Variants in SLC8A1 observed in about 807,000 individuals in gnomAD.
SLC8A1 encodes solute carrier family 8 member A1.
SLC8A1 carries 18 observed loss-of-function variants against 68.3 expected under a neutral mutation model. The ratio of observed to expected loss-of-function variants is 0.26; its 90% CI spans 0.18 to 0.39. The LOEUF (loss-of-function observed/expected upper bound fraction) is 0.39, where lower values mean the gene tolerates loss of function less well. SLC8A1 is among the 10% of genes least tolerant of loss of function. SLC8A1 has a pLI of 1.00. For missense variants in SLC8A1, 985 were observed against 1,156.7 expected, an observed-to-expected ratio of 0.85 and a Z score of 2.15; for synonymous variants, 475 against 415.5, an observed-to-expected ratio of 1.14 and a Z score of -1.74.
chr2:40,484,760 A>G (rs1359810017), intron 1 of SLC8A1, among the ~76,000 whole-genome samples: 1 of 152,222 alleles, frequency 6.6e-6, no homozygotes, highest in African/African-American at 2.4e-5. Flanking sequence ...CAAGGATGCG[A>G]TAAGTGCTTC....
chr2:40,366,060 T>C (rs978691401), intron 2 of SLC8A1, among the ~76,000 whole-genome samples: 1 of 151,956 alleles, frequency 6.6e-6, no homozygotes, highest in East Asian at 1.9e-4. Context: ...TAGGACTTCA[T>C]TCTTCTTCTG....
intron 2 of SLC8A1, among the ~76,000 whole-genome samples, chr2:40,294,659 T>C (rs1285464746): frequency 6.6e-6 from 1 of 152,162 alleles, no homozygotes; most frequent in Admixed American, 6.5e-5. Context: ...TGAAGAGAAC[T>C]TTCCCCTTTT....
chr2:40,262,502 G>C (rs1172350366), intron 2 of SLC8A1, among the ~76,000 whole-genome samples: 2 of 152,136 alleles, frequency 1.3e-5, no homozygotes, highest in Non-Finnish European at 2.9e-5. Flanking sequence ...AACAACAAAT[G>C]AGCGAAATTC....
chr2:40,321,555 G>C (rs2075191147), intron 2 of SLC8A1, among the ~76,000 whole-genome samples: 1 of 152,094 alleles, frequency 6.6e-6, no homozygotes, highest in Admixed American at 6.6e-5. Flanking sequence ...TTGACTCACA[G>C]TTCTGCAGGG....
intron 2 of SLC8A1, among the ~76,000 whole-genome samples, chr2:40,300,548 T>A (rs1459711387): frequency 6.6e-6 from 1 of 152,178 alleles, no homozygotes; most frequent in African/African-American, 2.4e-5. Context: ...AAGACATGCA[T>A]GGTAAACTAG....
intron 2 of SLC8A1, among the ~76,000 whole-genome samples, chr2:40,200,573 T>C (rs1169983778): frequency 1.3e-5 from 2 of 151,490 alleles, no homozygotes; most frequent in Non-Finnish European, 2.9e-5. Flanking sequence ...CCCCTTATCA[T>C]TGCTGCATTC....
intron 2 of SLC8A1, among the ~76,000 whole-genome samples, chr2:40,272,161 C>T (rs1037084958): frequency 3.3e-5 from 5 of 152,172 alleles, no homozygotes; most frequent in Non-Finnish European, 7.3e-5. Flanking sequence ...AGCCACTGCA[C>T]CTGGCCAAAA....
intron 2 of SLC8A1, among the ~76,000 whole-genome samples, chr2:40,372,530 G>A (rs1284083431): frequency 2.6e-5 from 4 of 152,084 alleles, no homozygotes; most frequent in African/African-American, 9.7e-5. Flanking sequence ...CATATTCTGT[G>A]GGCTTGACCG....
intron 2 of SLC8A1, chr2:40,178,390 T>C (rs957058019): frequency 5.6e-6 from 9 of 1,613,558 alleles, no homozygotes; most frequent in Non-Finnish European, 7.6e-6. Context: ...CCCCCACCTT[T>C]CTTCTCACTC....
intron 2 of SLC8A1, among the ~76,000 whole-genome samples, chr2:40,395,441 C>G (rs1686614415): frequency 6.6e-6 from 1 of 152,080 alleles, no homozygotes; most frequent in Admixed American, 6.6e-5. Context: ...CACTGGCACT[C>G]TTAGTCAGGA....
At chr2:40,498,447 A>G (rs923465230) in intron 1 of SLC8A1, among the ~76,000 whole-genome samples, 1 of 152,120 alleles carries the variant, frequency 6.6e-6, no homozygotes, top group African/African-American at 2.4e-5. Flanking sequence ...TTGCAAGTAT[A>G]ATTTCAATGT....
intron 2 of SLC8A1, among the ~76,000 whole-genome samples, chr2:40,181,804 G>GTAAT (rs1421141555): frequency 6.6e-6 from 1 of 152,218 alleles, no homozygotes; most frequent in Non-Finnish European, 1.5e-5. Context: ...ATAAACCAAT[G>GTAAT]TAATTTTTAA....
chr2:40,286,707 A>G (rs769277144), intron 2 of SLC8A1, among the ~76,000 whole-genome samples: 1 of 152,178 alleles, frequency 6.6e-6, no homozygotes. Flanking sequence ...ATATTCACAC[A>G]CACTCTTCAC....
At chr2:40,494,352 T>A (rs1173391858) in intron 1 of SLC8A1, among the ~76,000 whole-genome samples, 1 of 152,024 alleles carries the variant, frequency 6.6e-6, no homozygotes. Flanking sequence ...ATGATAAACA[T>A]TTAAAACCAA....
chr2:40,422,037 G>A (rs1016754696), intron 2 of SLC8A1, among the ~76,000 whole-genome samples: 1 of 152,078 alleles, frequency 6.6e-6, no homozygotes, highest in Non-Finnish European at 1.5e-5. Flanking sequence ...GAAGACAGCA[G>A]CTTGAGTCCT....
chr2:40,215,643 CAAAAAAAAA>C (rs56191722), intron 2 of SLC8A1, among the ~76,000 whole-genome samples: 2 of 69,926 alleles, frequency 2.9e-5, no homozygotes, highest in African/African-American at 1.1e-4. Context: ...GACTCCGTCT[CAAAAAAAAA>C]AAAAAAAAAA....
At chr2:40,315,138 C>T (rs2074262293) in intron 2 of SLC8A1, among the ~76,000 whole-genome samples, 1 of 151,776 alleles carries the variant, frequency 6.6e-6, no homozygotes, top group Non-Finnish European at 1.5e-5. Context: ...TCATGTATGT[C>T]CTTTATTAGG....
In SLC8A1 at chr2:40,457,289, G is replaced by A. The variant is rs536125596; in HGVS notation, c.-24-26985C>T. On this transcript the variant is annotated intron_variant, in intron 1 of 7. Coordinates refer to the SLC8A1 transcript ENST00000402441. ...AAGCTCCCTGGGGTGCTTTGTACCA[G>A]GCAGTTGTTCCCTACAATCCAGTTC... 2.0e-5 allele frequency among the ~76,000 whole-genome samples: 3 copies of A among 152,310 alleles called. No homozygotes were observed. The South Asian group carries it at 6.2e-4, about 32-fold the overall frequency.
chr2:40,291,087 T>A (rs1236799977), intron 2 of SLC8A1, among the ~76,000 whole-genome samples: 1 of 152,208 alleles, frequency 6.6e-6, no homozygotes, highest in Non-Finnish European at 1.5e-5. Flanking sequence ...TAGTACAAAC[T>A]ATAGTTTTAT....
Sources: allele counts gnomAD v4.1 joint callset (sites outside exome capture counted in the v4.1 genomes callset), GRCh38; gene constraint gnomAD v4.1.1; transcripts MANE v1.5; gene names NCBI Gene and HGNC (gene_info 2026-07-23, HGNC 2026-07-21).